LDLRAD3: variants seen among roughly 807,000 people sequenced by gnomAD.
LDLRAD3 encodes low-density lipoprotein receptor class A domain-containing protein 3.
In LDLRAD3, 20 loss-of-function variants were observed where a neutral mutation model predicts 29.4. That is an observed-to-expected ratio of 0.68 (90% CI 0.48 to 0.99). The LOEUF (loss-of-function observed/expected upper bound fraction) is 0.99, where lower values mean the gene tolerates loss of function less well. Ranked by LOEUF, LDLRAD3 falls within the 50% of genes least tolerant of loss-of-function variation. LDLRAD3 has a pLI of 0.00. For missense variants in LDLRAD3, 420 were observed against 454.3 expected, an observed-to-expected ratio of 0.92 and a Z score of 0.69; for synonymous variants, 157 against 192.7, an observed-to-expected ratio of 0.81 and a Z score of 1.53.
intron 1 of LDLRAD3, among the ~76,000 whole-genome samples, chr11:36,011,546 G>T (rs1851955277): frequency 8.5e-6 from 1 of 118,080 alleles, no homozygotes; most frequent in East Asian, 2.7e-4. Context: ...TTTGGGATTT[G>T]TGTATCAAAA....
chr11:35,954,855 A>G (rs1851182043), intron 1 of LDLRAD3, among the ~76,000 whole-genome samples: 1 of 152,236 alleles, frequency 6.6e-6, no homozygotes, highest in African/African-American at 2.4e-5. Flanking sequence ...TGACAGGCTA[A>G]TGAAAACTGC....
At chr11:36,110,494 C>G (rs989038791) in intron 4 of LDLRAD3, among the ~76,000 whole-genome samples, 11 of 152,158 alleles carry the variant, frequency 7.2e-5, no homozygotes, top group Admixed American at 7.2e-4. Flanking sequence ...CAAGTTTGCT[C>G]TGCAAGTTTC....
intron 4 of LDLRAD3, among the ~76,000 whole-genome samples, chr11:36,100,063 C>T (rs548420800): frequency 2.6e-5 from 4 of 152,152 alleles, no homozygotes; most frequent in South Asian, 2.1e-4. Flanking sequence ...CAACTGGTGT[C>T]GGTGGGCCCA....
chr11:36,224,885 G>C (rs1177851822), intron 4 of LDLRAD3, among the ~76,000 whole-genome samples: 4 of 152,164 alleles, frequency 2.6e-5, no homozygotes, highest in Admixed American at 6.5e-5. Context: ...TCCTTCTTAG[G>C]TGATGTTAGA....
At chr11:35,981,219 G>T (rs1851538016) in intron 1 of LDLRAD3, among the ~76,000 whole-genome samples, 1 of 151,096 alleles carries the variant, frequency 6.6e-6, no homozygotes, top group Non-Finnish European at 1.5e-5. Flanking sequence ...GGGGTTGGGG[G>T]TGGGGGGGCT....
intron 4 of LDLRAD3, among the ~76,000 whole-genome samples, chr11:36,158,259 T>G (rs1161576882): frequency 6.6e-6 from 1 of 152,144 alleles, no homozygotes; most frequent in Non-Finnish European, 1.5e-5. Context: ...CCGGGGGTAA[T>G]TCCCTTTGAG....
At chr11:36,131,703 C>T (rs1853927994) in intron 4 of LDLRAD3, among the ~76,000 whole-genome samples, 1 of 152,180 alleles carries the variant, frequency 6.6e-6, no homozygotes, top group Non-Finnish European at 1.5e-5. Context: ...TTTTGAAATC[C>T]AGAAAAGAAT....
chr11:36,093,641 G>GAGGC (rs1853316577), intron 3 of LDLRAD3, among the ~76,000 whole-genome samples: 1 of 152,178 alleles, frequency 6.6e-6, no homozygotes, highest in Non-Finnish European at 1.5e-5. Flanking sequence ...TCTGCTGCTG[G>GAGGC]AGGCACCCTG....
intron 1 of LDLRAD3, among the ~76,000 whole-genome samples, chr11:35,981,220 T>TG (rs1450552228): frequency 1.3e-4 from 10 of 79,964 alleles, no homozygotes; most frequent in African/African-American, 1.4e-4. Flanking sequence ...GGGTTGGGGG[T>TG]GGGGGGGCTG....
chr11:36,035,188 T>A (rs1852287760), intron 1 of LDLRAD3, among the ~76,000 whole-genome samples: 1 of 151,954 alleles, frequency 6.6e-6, no homozygotes, highest in Admixed American at 6.5e-5. Flanking sequence ...TTTTTTTTTT[T>A]TTCCTGCTTT....
intron 4 of LDLRAD3, among the ~76,000 whole-genome samples, chr11:36,153,726 A>G (rs749184022): frequency 1.3e-5 from 2 of 152,086 alleles, no homozygotes; most frequent in Non-Finnish European, 2.9e-5. Context: ...TGAACAAAGG[A>G]GAAGGGAGGA....
intron 4 of LDLRAD3, among the ~76,000 whole-genome samples, chr11:36,171,725 C>T (rs1393844301): frequency 6.6e-6 from 1 of 152,148 alleles, no homozygotes; most frequent in Non-Finnish European, 1.5e-5. Context: ...GTGACTATAG[C>T]CTTATAGTAT....
chr11:35,959,806 G>T (rs1851253940), intron 1 of LDLRAD3, among the ~76,000 whole-genome samples: 3 of 152,002 alleles, frequency 2.0e-5, no homozygotes, highest in African/African-American at 7.2e-5. Context: ...GGGTACACCT[G>T]TGGTCCCTGT....
intron 4 of LDLRAD3, among the ~76,000 whole-genome samples, chr11:36,207,524 C>CCTGGGGTCCCAG (rs1855227142): frequency 6.6e-6 from 1 of 152,062 alleles, no homozygotes; most frequent in Non-Finnish European, 1.5e-5. Flanking sequence ...GTGGCATGCA[C>CCTGGGGTCCCAG]CTGGGGTCCC....
intron 4 of LDLRAD3, among the ~76,000 whole-genome samples, chr11:36,222,620 T>A (rs1855445463): frequency 6.6e-6 from 1 of 152,096 alleles, no homozygotes; most frequent in African/African-American, 2.4e-5. Context: ...GAGGAGGGGA[T>A]TTTTTTGGAA....
At chr11:36,153,178 G>A (rs1854300938) in intron 4 of LDLRAD3, among the ~76,000 whole-genome samples, 1 of 152,002 alleles carries the variant, frequency 6.6e-6, no homozygotes, top group African/African-American at 2.4e-5. Flanking sequence ...TAGTCGGGGT[G>A]CTTGACCAGG....
At chr11:36,057,701 C>A (rs59908202) in intron 2 of LDLRAD3, among the ~76,000 whole-genome samples, 1 of 152,184 alleles carries the variant, frequency 6.6e-6, no homozygotes, top group Non-Finnish European at 1.5e-5. Flanking sequence ...CTCCCTGGAT[C>A]GTCAGTTGCC....
At chr11:35,991,463 A>G (rs1324328232) in intron 1 of LDLRAD3, among the ~76,000 whole-genome samples, 3 of 151,872 alleles carry the variant, frequency 2.0e-5, no homozygotes, top group Non-Finnish European at 2.9e-5. Flanking sequence ...CAGCCAGGGA[A>G]GACAGAAAAA....
At chr11:36,153,135 G>A (rs1033599911) in intron 4 of LDLRAD3, among the ~76,000 whole-genome samples, 15 of 151,912 alleles carry the variant, frequency 9.9e-5, no homozygotes, top group African/African-American at 3.1e-4. Flanking sequence ...TAATGGCTTC[G>A]GGTTCTTGGA....
Sources: allele counts gnomAD v4.1 joint callset (sites outside exome capture counted in the v4.1 genomes callset), GRCh38; gene constraint gnomAD v4.1.1; transcripts MANE v1.5; gene names NCBI Gene and HGNC (gene_info 2026-07-23, HGNC 2026-07-21).